The following FARP1 variants were observed in gnomAD, a reference collection of about 807,000 sequenced individuals.
FARP1 encodes FERM, ARH/RhoGEF and pleckstrin domain protein 1, also known as FERM, ARHGEF and pleckstrin domain-containing protein 1.
In FARP1, 52 loss-of-function variants were observed where a neutral mutation model predicts 128.8. The observed-to-expected ratio is 0.40, with a 90% confidence interval of 0.32 to 0.51. The LOEUF (loss-of-function observed/expected upper bound fraction) is 0.51, where lower values mean the gene tolerates loss of function less well. Among genes scored for constraint, FARP1 ranks in the 20% least tolerant of loss-of-function variants. The pLI is 0.45. For synonymous variants in FARP1, 580 were observed against 551.8 expected (o/e 1.05, Z -0.72); for missense variants, 1,333 against 1,367.9 (o/e 0.97, Z 0.40).
intron 2 of FARP1, among the ~76,000 whole-genome samples, chr13:98,228,005 T>C (rs1881894208): frequency 6.6e-6 from 1 of 152,200 alleles, no homozygotes; most frequent in Non-Finnish European, 1.5e-5. Flanking sequence ...ATGAAAACAT[T>C]GGGAGATCTT....
chr13:98,425,972 C>G (rs1324325959), intron 17 of FARP1, among the ~76,000 whole-genome samples: 1 of 152,116 alleles, frequency 6.6e-6, no homozygotes, highest in Non-Finnish European at 1.5e-5. Context: ...GCCTGTATGA[C>G]AACCTTAAAA....
At position 98,236,992 on chromosome 13, in the gene FARP1, A is replaced by G. The variant is rs190421839; in HGVS notation, c.171+23579A>G. Reference sequence around the variant, plus strand: ...GGGCAACAGAGCAAGACTCTGTCTCAGGGGGAAAAAAAGAAAACGTTAAAA... The same window carrying G: ...GGGCAACAGAGCAAGACTCTGTCTCGGGGGGAAAAAAAGAAAACGTTAAAA... On this transcript the variant is annotated intron_variant, in intron 2 of 26. Coordinates refer to ENST00000319562, the MANE Select transcript of FARP1 (RefSeq NM_005766.4). 3.7e-4 allele frequency among the ~76,000 whole-genome samples: 56 copies of G among 150,444 alleles called. 2 individuals carry two copies. The highest frequency in any genetic ancestry group is 1.2e-3 in the African/African-American group (48 of 40,960).
At chr13:98,368,061 T>A in intron 4 of FARP1, 56 bp from the exon 5 acceptor site, 1 of 1,359,734 alleles carries the variant, frequency 7.4e-7, no homozygotes, top group Non-Finnish European at 1.0e-6. Flanking sequence ...TTTTCTTTAA[T>A]GGCATTTGAA....
chr13:98,148,150 G>A (rs558816616), intron 1 of FARP1, among the ~76,000 whole-genome samples: 1 of 152,264 alleles, frequency 6.6e-6, no homozygotes, highest in African/African-American at 2.4e-5. Context: ...AGGCCAAGGC[G>A]GGCGAATCAT....
chr13:98,333,473 ACACACAAAATC>A (rs2139837179), intron 2 of FARP1: 1 of 150,090 alleles, frequency 6.7e-6, no homozygotes, highest in African/African-American at 2.5e-5. Context: ...ACACACACAC[ACACACAAAATC>A]TATCTTTGCA....
At chr13:98,211,959 C>T (rs1185657233) in intron 1 of FARP1, among the ~76,000 whole-genome samples, 1 of 152,250 alleles carries the variant, frequency 6.6e-6, no homozygotes, top group East Asian at 1.9e-4. Context: ...ACAGTGCCTT[C>T]TCCACACACG....
chr13:98,334,994 G>A lies in FARP1; in HGVS notation c.172-8768G>A, dbSNP rs145086689. 3.6e-4 allele frequency among the ~76,000 whole-genome samples: 55 copies of A among 152,298 alleles called. 4 individuals carry two copies. The East Asian group carries it at 9.8e-3, about 27-fold the overall frequency. On this transcript the variant is annotated intron_variant, in intron 2 of 26. Transcript: ENST00000319562. The stretch of plus-strand genomic sequence containing the variant: ...ACTAAGTCATCACGTTTCCATCTGT[G>A]TTTACCTAGCAAACTCCTACTCATC...
chr13:98,428,830 A>T (rs79515118), intron 17 of FARP1, among the ~76,000 whole-genome samples: 12,451 of 152,330 alleles, frequency 0.082, 523 homozygotes, highest in East Asian at 0.11. Flanking sequence ...ACGACATGCC[A>T]GGATGTTACA....
chr13:98,438,214 C>A (rs1892366632), intron 19 of FARP1, among the ~76,000 whole-genome samples: 1 of 152,108 alleles, frequency 6.6e-6, no homozygotes, highest in Admixed American at 6.5e-5. Context: ...ACACATCTGC[C>A]TCTCACTCCT....
chr13:98,152,835 A>G (rs1876109178), intron 1 of FARP1, among the ~76,000 whole-genome samples: 1 of 152,172 alleles, frequency 6.6e-6, no homozygotes, highest in Non-Finnish European at 1.5e-5. Flanking sequence ...TAGATGTTTG[A>G]TAATGTGTGC....
intron 1 of FARP1, among the ~76,000 whole-genome samples, chr13:98,168,077 T>C (rs1233644590): frequency 6.6e-6 from 1 of 151,098 alleles, no homozygotes; most frequent in Non-Finnish European, 1.5e-5. Flanking sequence ...GAGGCTGAGG[T>C]GGGAGAATGG....
intron 2 of FARP1, among the ~76,000 whole-genome samples, chr13:98,246,787 T>C (rs1356676479): frequency 6.6e-6 from 1 of 152,168 alleles, no homozygotes; most frequent in Non-Finnish European, 1.5e-5. Context: ...TGTCAGAGCT[T>C]TCTACCCAGA....
At chr13:98,287,204 A>AGGCCTTTTTTTTTTTT (rs1327624660) in intron 2 of FARP1, among the ~76,000 whole-genome samples, 1 of 114,820 alleles carries the variant, frequency 8.7e-6, no homozygotes, top group Non-Finnish European at 1.8e-5. Context: ...ACCATCAGAC[A>AGGCCTTTTTTTTTTTT]TGTCTTTTTT....
chr13:98,336,883 A>T (rs540103911), intron 2 of FARP1, among the ~76,000 whole-genome samples: 1 of 152,360 alleles, frequency 6.6e-6, no homozygotes, highest in Admixed American at 6.5e-5. Flanking sequence ...ATTTCATTAC[A>T]TAGTTTCACG....
At chr13:98,417,018 T>G (rs1358987688) in intron 16 of FARP1, among the ~76,000 whole-genome samples, 1 of 152,140 alleles carries the variant, frequency 6.6e-6, no homozygotes, top group Non-Finnish European at 1.5e-5. Flanking sequence ...AATGTCGAGA[T>G]ATCACTGAGC....
Position 98,225,743 on chromosome 13 carries a change from T to C in FARP1, c.171+12330T>C, listed in dbSNP as rs1210147176. On this transcript the variant is annotated intron_variant, in intron 2 of 26. Transcript: ENST00000319562. ...GCCAACCGGGCTGTTAGAGTCTTTA[T>C]GTGGGTAGGTACAAGTTGCCTTGCT... Among the ~76,000 whole-genome samples, 5 of 152,386 alleles carry C rather than the reference T, an allele frequency of 3.3e-5. No homozygotes were observed. In the East Asian group the frequency reaches 9.6e-4, roughly 29 times the overall value.
At chr13:98,215,345 A>C (rs112357368) in intron 2 of FARP1, among the ~76,000 whole-genome samples, 2 of 152,054 alleles carry the variant, frequency 1.3e-5, no homozygotes, top group Non-Finnish European at 2.9e-5. Flanking sequence ...CTGGATGCCT[A>C]CTCTCTCAAG....
At position 98,143,130 on chromosome 13, in the gene FARP1, C is replaced by CGGCGCGGGCGCAGCGGTGCG. The variant is rs1464584864; in HGVS notation, c.-380_-361dup. On this transcript the variant is annotated 5_prime_UTR_variant, in exon 1 of 27. Coordinates refer to ENST00000319562, the MANE Select transcript of FARP1 (RefSeq NM_005766.4). Reference sequence around the variant, plus strand: ...TCGCCGGCCTCAGAGGCGGCGGGTCCGGCGCGGGCGCAGCGGTGCGGGCGC... The same window carrying CGGCGCGGGCGCAGCGGTGCG: ...TCGCCGGCCTCAGAGGCGGCGGGTCCGGCGCGGGCGCAGCGGTGCGGGCGCGGGCGCAGCGGTGCGGGCGC... 2 of 147,628 alleles carry CGGCGCGGGCGCAGCGGTGCG rather than the reference C, an allele frequency of 1.4e-5. No individual in the cohort carries two copies. The highest frequency in any genetic ancestry group is 3.0e-5 in the Non-Finnish European group (2 of 66,266). The allele number at this position is 147,628 out of a possible 1,614,324, so 9.1% of individuals were successfully genotyped here. A position where few individuals can be genotyped will look rare whatever the true frequency, so the allele number is the denominator to read the frequency against.
chr13:98,347,169 T>G (rs182678902), intron 3 of FARP1, among the ~76,000 whole-genome samples: 18 of 152,240 alleles, frequency 1.2e-4, no homozygotes, highest in African/African-American at 4.3e-4. Context: ...TCTCTTAGCG[T>G]GCAACCCAGT....
Sources: gnomAD v4.1 joint callset for allele counts (sites outside exome capture counted in the v4.1 genomes callset) on GRCh38, gnomAD v4.1.1 for gene constraint, MANE v1.5 for transcripts, NCBI Gene and HGNC (gene_info 2026-07-23, HGNC 2026-07-21) for gene names.